The following HCN3 variants were observed in gnomAD, a reference collection of about 807,000 sequenced individuals.
HCN3 encodes the protein hyperpolarization activated cyclic nucleotide gated potassium channel 3, also known as potassium/sodium hyperpolarization-activated cyclic nucleotide-gated channel 3.
A neutral mutation model predicts 56.8 loss-of-function variants in HCN3; 36 were observed. That is an observed-to-expected ratio of 0.63 (90% CI 0.49 to 0.84). The LOEUF (loss-of-function observed/expected upper bound fraction) is 0.84. Among genes scored for constraint, HCN3 ranks in the 40% least tolerant of loss-of-function variants. The pLI is 0.00. For synonymous variants in HCN3, 425 were observed against 439.7 expected (o/e 0.97, Z 0.42); for missense variants, 930 against 1,079.3 (o/e 0.86, Z 1.94).
At chr1:155,283,264 T>C (rs1209010396) in intron 2 of HCN3, among the ~76,000 whole-genome samples, 2 of 152,130 alleles carry the variant, frequency 1.3e-5, no homozygotes, top group African/African-American at 4.8e-5. Flanking sequence ...GACTTGGTTT[T>C]CTGTTCTATA....
Position 155,285,574 on chromosome 1 carries a change from G to A in HCN3, c.1237-150G>A. 9.0e-7 allele frequency: 1 copy of A among 1,115,698 alleles called. No individual in the cohort carries two copies. The highest frequency in any genetic ancestry group is 1.3e-6 in the Non-Finnish European group (1 of 799,940). The allele number at this position is 1,115,698 out of a possible 1,614,324, so 69.1% of individuals were successfully genotyped here. On this transcript the variant is annotated intron_variant, in intron 5 of 7. Coordinates refer to ENST00000368358, the MANE Select transcript of HCN3 (RefSeq NM_020897.3). This position sits in a 1 kb window ranked among gnomAD's most constrained non-coding sequence, Gnocchi z 4.5. ...GCTCATGGGAAAGATCTGAAGGCAGGAGCTTAGGGATGGTCCCAGGCCCAC... is the reference window on the plus strand; with the variant it reads ...GCTCATGGGAAAGATCTGAAGGCAGAAGCTTAGGGATGGTCCCAGGCCCAC...
rs1016135510 is a variant in HCN3, at chr1:155,282,920, C to G, written c.708+80C>G. ...GGGGCGGGGCGGCTGGTGGACTTCT[C>G]TAGGAAGATGCTATGGGTGGGGCTC... On this transcript the variant is annotated intron_variant, in intron 2 of 7. Transcript: ENST00000368358. This position sits in a 1 kb window ranked among gnomAD's most constrained non-coding sequence, Gnocchi z 4.7. The G allele has an allele frequency of 1.1e-4, 149 of 1,375,940 alleles. No homozygotes were observed. Among genetic ancestry groups the G allele is most frequent in the Non-Finnish European group, 1.3e-4 (134 of 1,016,572 alleles). The allele number at this position is 1,375,940 out of a possible 1,614,324, so 85.2% of individuals were successfully genotyped here. A position where few individuals can be genotyped will look rare whatever the true frequency, so the allele number is the denominator to read the frequency against.
intron 1 of HCN3, among the ~76,000 whole-genome samples, chr1:155,280,650 G>A (rs1246386464): frequency 1.3e-5 from 2 of 150,482 alleles, no homozygotes; most frequent in African/African-American, 2.5e-5. Context: ...GTGTTAGCCA[G>A]GATGGTCTCA....
rs1674219734 is a variant in HCN3, at chr1:155,285,015, C to T, written c.1090-150C>T. 4.3e-6 allele frequency: 4 copies of T among 924,444 alleles called. No individual in the cohort carries two copies. The South Asian group carries it at 6.5e-5, about 15-fold the overall frequency. The allele number at this position is 924,444 out of a possible 1,614,324, so 57.3% of individuals were successfully genotyped here. On this transcript the variant is annotated intron_variant, in intron 4 of 7. Transcript: ENST00000368358. This position sits in a 1 kb window ranked among gnomAD's most constrained non-coding sequence, Gnocchi z 4.5. ...CCGGTATCCATCATTATCCGTATTCCTCTGTGGCCCTGTGTATCCATGTCT... is the reference window on the plus strand; with the variant it reads ...CCGGTATCCATCATTATCCGTATTCTTCTGTGGCCCTGTGTATCCATGTCT...
At position 155,285,745 on chromosome 1, in the gene HCN3, CG is replaced by C; in HGVS notation, c.1262del (p.Gly421AlafsTer77). The C allele has an allele frequency of 6.2e-7, 1 of 1,614,144 alleles. No individual in the cohort carries two copies. Among genetic ancestry groups the C allele is most frequent in the Non-Finnish European group, 8.5e-7 (1 of 1,180,014 alleles). On this transcript the variant is annotated frameshift_variant, in exon 6 of 8. Transcript: ENST00000368358. LOFTEE classifies it high-confidence loss of function. The surrounding 1 kb of genome is among the most constrained non-coding windows in gnomAD (Gnocchi z 4.5). ...CCAGGAGATCATTAACTTCACCTGTCGGGGCCTGGTGGCCCACATGCCGCTG... is the reference window on the plus strand; with the variant it reads ...CCAGGAGATCATTAACTTCACCTGTCGGGCCTGGTGGCCCACATGCCGCTG... Reference protein sequence around the residue: ...LREEIINFTCRGLVAHMPLFA... With the variant: ...LREEIINFTCXGLVAHMPLFA...
intron 7 of HCN3, 34 bp from the exon 8 acceptor site, chr1:155,287,747 A>C (rs1480613836): frequency 6.5e-7 from 1 of 1,545,952 alleles, no homozygotes; most frequent in African/African-American, 1.4e-5. Flanking sequence ...TTCCTTCCCT[A>C]TCCTTAACTT....
Position 155,285,275 on chromosome 1 carries a change from A to AAGCATCCTG in HCN3, c.1201_1209dup (p.Ser401_Leu403dup), listed in dbSNP as rs1481061293. On this transcript the variant is annotated inframe_insertion, in exon 5 of 8. Transcript: ENST00000368358. This position sits in a 1 kb window ranked among gnomAD's most constrained non-coding sequence, Gnocchi z 4.5. ...ACCAGGGCAAGATGTTCGATGAGGA[A>AAGCATCCTG]AGCATCCTGGGCGAGCTGAGCGAGC... 1 of 1,614,160 alleles carries AAGCATCCTG rather than the reference A, an allele frequency of 6.2e-7. No individual in the cohort carries two copies. The highest frequency in any genetic ancestry group is 1.1e-5 in the South Asian group (1 of 91,074).
Position 155,277,832 on chromosome 1 carries a change from C to A in HCN3, c.242C>A (p.Ala81Glu). Reference sequence around the variant, plus strand: ...ATCGAGCAGGAGCGGGTGAAGTCAGCGGGGGCCTGGATCATCCACCCCTAC... The same window carrying A: ...ATCGAGCAGGAGCGGGTGAAGTCAGAGGGGGCCTGGATCATCCACCCCTAC... ...VEIEQERVKS[A>E]GAWIIHPYSD... The change falls in exon 1 of 8, where the codon GCG becomes GAG. Residue 81 changes from alanine (A) to glutamate (E), a missense_variant. Transcript: ENST00000368358. The A allele has an allele frequency of 6.2e-7, 1 of 1,612,210 alleles. No individual in the cohort carries two copies.
intron 1 of HCN3, among the ~76,000 whole-genome samples, chr1:155,280,996 C>T (rs371756811): frequency 4.0e-5 from 6 of 148,318 alleles, no homozygotes; most frequent in South Asian, 2.1e-4. Flanking sequence ...TCAGGCGATC[C>T]GCCCACCTTG....
chr1:155,284,897 T>G lies in HCN3; in HGVS notation c.1089+140T>G. The G allele has an allele frequency of 2.3e-6, 2 of 873,972 alleles. No individual in the cohort carries two copies. Among genetic ancestry groups the G allele is most frequent in the Non-Finnish European group, 3.5e-6 (2 of 573,082 alleles). 54.1% of individuals were successfully genotyped at this position (873,972 alleles called of 1,614,324 possible). ...CCTGTGTCCATTTGTTCCCTGCCCCTGCATGTACCTTTTCCTTGTTTGAAC... is the reference window on the plus strand; with the variant it reads ...CCTGTGTCCATTTGTTCCCTGCCCCGGCATGTACCTTTTCCTTGTTTGAAC... On this transcript the variant is annotated intron_variant, in intron 4 of 7. Coordinates refer to ENST00000368358, the MANE Select transcript of HCN3 (RefSeq NM_020897.3). This position sits in a 1 kb window ranked among gnomAD's most constrained non-coding sequence, Gnocchi z 4.3.
At chr1:155,287,420 C>T in intron 7 of HCN3, 83 bp downstream of exon 7, 1 of 1,512,916 alleles carries the variant, frequency 6.6e-7, no homozygotes, top group Non-Finnish European at 9.1e-7. Context: ...GGCTTTAGGG[C>T]TCCAGGGTCA....
rs749955729 is a variant in HCN3 at position 155,285,309 on chromosome 1, G to A, written c.1234G>A (p.Glu412Lys). ...GGGCGAGCTGAGCGAGCCGCTTCGC[G>A]AGGTGGGGCTGGGTTGGGCCTGGAA... is the stretch of plus-strand genomic sequence containing the variant. ...ILGELSEPLR[E>K]EIINFTCRGL... Residue 412 changes from glutamate to lysine, a missense_variant and splice_region_variant, in exon 5 of 8, where the codon GAG becomes AAG. Glu to Lys is a moderately conservative substitution (Grantham distance 56, BLOSUM62 1). Coordinates refer to ENST00000368358, the MANE Select transcript of HCN3 (RefSeq NM_020897.3). The surrounding 1 kb of genome is among the most constrained non-coding windows in gnomAD (Gnocchi z 4.5). The A allele has an allele frequency of 7.4e-6, 12 of 1,613,846 alleles. No homozygotes were observed. Among genetic ancestry groups the A allele is most frequent in the East Asian group, 4.5e-5 (2 of 44,890 alleles).
Position 155,284,959 on chromosome 1 carries a change from G to A in HCN3, c.1089+202G>A, listed in dbSNP as rs1674217364. On this transcript the variant is annotated intron_variant, in intron 4 of 7. Transcript: ENST00000368358. This position sits in a 1 kb window ranked among gnomAD's most constrained non-coding sequence, Gnocchi z 4.3. ...CTTGGCCCCTCTGCTGTCCACGCCT[G>A]GGTTTTCCTATGACTGTGCTCTGTG... Among the ~76,000 whole-genome samples the A allele has an allele frequency of 6.6e-6, 1 of 152,166 alleles. No individual in the cohort carries two copies. The highest frequency in any genetic ancestry group is 2.4e-5 in the African/African-American group (1 of 41,438).
chr1:155,287,764 C>G lies in HCN3; in HGVS notation c.1643-17C>G. Reference sequence around the variant, plus strand: ...CCTTCCCTATCCTTAACTTCTCCCTCCCGGTACAACTTCTAGGCAAGAAGA... The same window carrying G: ...CCTTCCCTATCCTTAACTTCTCCCTGCCGGTACAACTTCTAGGCAAGAAGA... On this transcript the variant is annotated splice_polypyrimidine_tract_variant and intron_variant, in intron 7 of 7. Coordinates refer to ENST00000368358, the MANE Select transcript of HCN3 (RefSeq NM_020897.3). 1 of 1,555,682 alleles carries G rather than the reference C, an allele frequency of 6.4e-7. No homozygotes were observed. The highest frequency in any genetic ancestry group is 8.7e-7 in the Non-Finnish European group (1 of 1,149,532).
At position 155,284,170 on chromosome 1, in the gene HCN3, C is replaced by T. The variant is rs368615772; in HGVS notation, c.870+35C>T. On this transcript the variant is annotated intron_variant, in intron 3 of 7. Coordinates refer to ENST00000368358, the MANE Select transcript of HCN3 (RefSeq NM_020897.3). This position sits in a 1 kb window ranked among gnomAD's most constrained non-coding sequence, Gnocchi z 4.3. ...CCCCACAGCTCTGCCTTTCCTGGGC[C>T]TTCTTAGGGCTCTTCTGCCTGAGTA... 4.5e-5 allele frequency: 72 copies of T among 1,603,626 alleles called. No homozygotes were observed. The highest frequency in any genetic ancestry group is 6.1e-5 in the Non-Finnish European group (72 of 1,172,322).
rs1674405486 is a variant in HCN3, at chr1:155,288,670, C to G, written c.*207C>G. The G allele has an allele frequency of 1.6e-6, 1 of 641,198 alleles. No individual in the cohort carries two copies. The highest frequency in any genetic ancestry group is 2.6e-6 in the Non-Finnish European group (1 of 386,152). 39.7% of individuals were successfully genotyped at this position (641,198 alleles called of 1,614,324 possible). On this transcript the variant is annotated 3_prime_UTR_variant, in exon 8 of 8. Transcript: ENST00000368358. The surrounding 1 kb of genome is among the most constrained non-coding windows in gnomAD (Gnocchi z 6.5). ...GCTTGTCCCATCATAATCCATTCAC[C>G]CGTTCATCATGTGTACTGAGCAGCT...
rs1267224971 is a variant in HCN3, at chr1:155,285,254, G to A, written c.1179G>A (p.Gln393=). The A allele has an allele frequency of 1.9e-6, 3 of 1,614,126 alleles. No individual in the cohort carries two copies. The highest frequency in any genetic ancestry group is 2.5e-6 in the Non-Finnish European group (3 of 1,180,052). ...ACGAGTACTATGAGCACCGCTACCAGGGCAAGATGTTCGATGAGGAAAGCA... is the reference window on the plus strand; with the variant it reads ...ACGAGTACTATGAGCACCGCTACCAAGGCAAGATGTTCGATGAGGAAAGCA... ...RIHEYYEHRY[Q]GKMFDEESIL... Residue 393 remains glutamine, a synonymous_variant, in exon 5 of 8, where the codon CAG becomes CAA. Transcript: ENST00000368358. The surrounding 1 kb of genome is among the most constrained non-coding windows in gnomAD (Gnocchi z 4.5).
intron 1 of HCN3, among the ~76,000 whole-genome samples, chr1:155,281,348 C>T (rs1261822072): frequency 2.0e-5 from 3 of 151,952 alleles, no homozygotes; most frequent in Admixed American, 6.6e-5. Flanking sequence ...GGATTACAGG[C>T]GTGAGCCACC....
Position 155,282,470 on chromosome 1 carries a change from T to C in HCN3, c.338T>C (p.Val113Ala). Residue 113 changes from valine to alanine, a missense_variant, in exon 2 of 8, where the codon GTG becomes GCG. Val to Ala is a moderately conservative substitution (Grantham distance 64, BLOSUM62 0). Transcript: ENST00000368358. This position sits in a 1 kb window ranked among gnomAD's most constrained non-coding sequence, Gnocchi z 4.7. The part of the protein sequence containing the change: ...LMVGNLIVLP[V>A]GITFFKEENS... ...GTGGGGAACCTCATCGTCCTGCCTG[T>C]GGGCATCACCTTCTTCAAGGAGGAG... 6.2e-7 allele frequency: 1 copy of C among 1,614,266 alleles called. No homozygotes were observed. Among genetic ancestry groups the C allele is most frequent in the Non-Finnish European group, 8.5e-7 (1 of 1,180,046 alleles).
Sources: allele counts gnomAD v4.1 joint callset (sites outside exome capture counted in the v4.1 genomes callset), GRCh38; gene constraint gnomAD v4.1.1; non-coding constraint Gnocchi (gnomAD v3.1); transcripts MANE v1.5; gene names NCBI Gene and HGNC (gene_info 2026-07-23, HGNC 2026-07-21).